GDA: variants seen among roughly 807,000 people sequenced by gnomAD.
The protein encoded by GDA is guanine deaminase.
A neutral mutation model predicts 59.6 loss-of-function variants in GDA; 18 were observed. The ratio of observed to expected loss-of-function variants is 0.30; its 90% CI spans 0.21 to 0.45. GDA has a LOEUF of 0.45. Among genes scored for constraint, GDA ranks in the 20% least tolerant of loss-of-function variants. The pLI is 1.00. For missense variants in GDA, 427 were observed against 552.3 expected, an observed-to-expected ratio of 0.77 and a Z score of 2.27; for synonymous variants, 201 against 201.1, an observed-to-expected ratio of 1.00 and a Z score of 0.00.
At chr9:72,126,564 G>GTTT (rs1825854262) in intron 1 of GDA, among the ~76,000 whole-genome samples, 2 of 85,916 alleles carry the variant, frequency 2.3e-5, no homozygotes, top group Non-Finnish European at 4.7e-5. Flanking sequence ...AACCTGGTTA[G>GTTT]TCTTTTTTTT....
chr9:72,246,140 A>T (rs36108105), intron 12 of GDA, among the ~76,000 whole-genome samples: 25,728 of 152,180 alleles, frequency 0.17, 2,430 homozygotes, highest in Middle Eastern at 0.27. Context: ...AAAGGCATAC[A>T]CATTTATTTA....
At chr9:72,166,125 A>G (rs1460570044) in intron 1 of GDA, among the ~76,000 whole-genome samples, 2 of 152,172 alleles carry the variant, frequency 1.3e-5, no homozygotes, top group Non-Finnish European at 2.9e-5. Flanking sequence ...TTTGTTTTTC[A>G]CTGTCCTGAC....
At chr9:72,194,886 C>T (rs1832964252) in intron 1 of GDA, among the ~76,000 whole-genome samples, 1 of 152,124 alleles carries the variant, frequency 6.6e-6, no homozygotes, top group Admixed American at 6.6e-5. Context: ...TAAGTTTGGT[C>T]CAGTTTTCTT....
intron 3 of GDA, among the ~76,000 whole-genome samples, chr9:72,203,452 T>A (rs1320809114): frequency 6.6e-6 from 1 of 152,166 alleles, no homozygotes; most frequent in Non-Finnish European, 1.5e-5. Context: ...GGCAGTAGTG[T>A]GTACCAGCCA....
chr9:72,137,492 C>T (rs184620064), intron 1 of GDA, among the ~76,000 whole-genome samples: 16 of 151,954 alleles, frequency 1.1e-4, no homozygotes, highest in African/African-American at 3.1e-4. Flanking sequence ...GTGATGTGCC[C>T]GCCTCAGCCT....
At chr9:72,226,126 A>G (rs527847781) in intron 8 of GDA, among the ~76,000 whole-genome samples, 3 of 152,122 alleles carry the variant, frequency 2.0e-5, no homozygotes, top group African/African-American at 7.2e-5. Flanking sequence ...GGACATTTTA[A>G]CAGTATCTAT....
chr9:72,226,350 A>G (rs1837583314), intron 8 of GDA, among the ~76,000 whole-genome samples: 1 of 152,206 alleles, frequency 6.6e-6, no homozygotes, highest in African/African-American at 2.4e-5. Context: ...ATATTATTTG[A>G]TGTGTATGTA....
At chr9:72,211,549 G>T (rs1835368990) in intron 4 of GDA, among the ~76,000 whole-genome samples, 1 of 152,212 alleles carries the variant, frequency 6.6e-6, no homozygotes. Flanking sequence ...GCCACTGTTT[G>T]CTTATGCAAA....
At chr9:72,198,303 G>T (rs909537524) in intron 2 of GDA, among the ~76,000 whole-genome samples, 1 of 152,034 alleles carries the variant, frequency 6.6e-6, no homozygotes, top group African/African-American at 2.4e-5. Context: ...ACTTTGGGAG[G>T]CCGAGGCAGG....
chr9:72,117,016 A>G (rs999520404), intron 1 of GDA, among the ~76,000 whole-genome samples: 5 of 150,844 alleles, frequency 3.3e-5, no homozygotes, highest in African/African-American at 1.2e-4. Flanking sequence ...TATGAGTGAG[A>G]ACATGCAGTG....
At chr9:72,252,522 A>G (rs140140785), downstream of GDA, among the ~76,000 whole-genome samples, 688 of 152,332 alleles carry the variant, frequency 4.5e-3, 12 homozygotes, top group Admixed American at 0.041. Context: ...TGCACTCTAT[A>G]TGAAGAATCA....
chr9:72,240,588 G>C (rs1212125884), intron 10 of GDA, among the ~76,000 whole-genome samples: 1 of 152,186 alleles, frequency 6.6e-6, no homozygotes, highest in Non-Finnish European at 1.5e-5. Context: ...AATTAAGGAA[G>C]AGATCTCAAG....
intron 10 of GDA, among the ~76,000 whole-genome samples, chr9:72,234,155 A>C (rs1037713889): frequency 2.0e-5 from 3 of 152,158 alleles, no homozygotes; most frequent in Non-Finnish European, 2.9e-5. Flanking sequence ...TGTGGGCTTA[A>C]AGAGCACACA....
At chr9:72,122,666 G>C (rs1263143658) in intron 1 of GDA, among the ~76,000 whole-genome samples, 4 of 128,296 alleles carry the variant, frequency 3.1e-5, no homozygotes, top group Non-Finnish European at 6.7e-5. Context: ...CACACACACA[G>C]ACACCTGAGA....
intron 9 of GDA, 80 bp from the exon 10 acceptor site, chr9:72,231,034 A>T: frequency 3.6e-6 from 3 of 833,798 alleles, no homozygotes; most frequent in Non-Finnish European, 6.4e-6. Context: ...TTTCAGTGGC[A>T]TCACCGTCAT....
At chr9:72,206,013 T>C (rs1468069266) in intron 3 of GDA, among the ~76,000 whole-genome samples, 1 of 152,232 alleles carries the variant, frequency 6.6e-6, no homozygotes, top group African/African-American at 2.4e-5. Flanking sequence ...GCTTAAAATT[T>C]TGAAAATTTA....
chr9:72,219,316 C>T (rs112717021), intron 5 of GDA, among the ~76,000 whole-genome samples, 163 bp from the exon 6 acceptor site: 12 of 151,790 alleles, frequency 7.9e-5, no homozygotes, highest in African/African-American at 2.4e-4. Context: ...GGCAGGAGAA[C>T]GGCGTGAACC....
At chr9:72,185,602 G>C (rs1443644584) in intron 1 of GDA, among the ~76,000 whole-genome samples, 1 of 152,046 alleles carries the variant, frequency 6.6e-6, no homozygotes, top group Admixed American at 6.6e-5. Context: ...TTTTTATCTG[G>C]TTTTATTTCC....
chr9:72,211,637 A>T (rs1427259916), intron 4 of GDA, among the ~76,000 whole-genome samples: 1 of 152,218 alleles, frequency 6.6e-6, no homozygotes, highest in East Asian at 1.9e-4. Flanking sequence ...GAACTACGAC[A>T]TCTGGGAAGG....
Sources: gnomAD v4.1 joint callset for allele counts (sites outside exome capture counted in the v4.1 genomes callset) on GRCh38, gnomAD v4.1.1 for gene constraint, MANE v1.5 for transcripts, NCBI Gene and HGNC (gene_info 2026-07-23, HGNC 2026-07-21) for gene names.